Variants in CD40 observed in about 807,000 individuals in gnomAD.
CD40 encodes the protein tumor necrosis factor receptor superfamily member 5.
In CD40, 19 loss-of-function variants were observed where a neutral mutation model predicts 38.5. The observed-to-expected ratio is 0.49, with a 90% CI of 0.34 to 0.72. The LOEUF is 0.72. CD40 is among the 30% of genes least tolerant of loss of function. CD40 has a pLI of 0.01. For missense variants in CD40, 256 were observed against 344.1 expected, an observed-to-expected ratio of 0.74 and a Z score of 2.03; for synonymous variants, 130 against 128.7, an observed-to-expected ratio of 1.01 and a Z score of -0.07.
chr20:46,127,231 A>G (rs2085455423), intron 6 of CD40: 1 of 157,150 alleles, frequency 6.4e-6, no homozygotes, highest in African/African-American at 2.4e-5. Flanking sequence ...TGAGGTGAGC[A>G]AGGCACTTGC....
rs2085474640 is a variant in CD40 at position 46,128,204 on chromosome 20, T to G, written c.626T>G (p.Leu209Arg). ...ATCTTCGGGATCCTGTTTGCCATCC[T>G]CTTGGTGCTGGTCTTTATCAGTGAG... ...PIIFGILFAI[L>R]LVLVFIKKVA... Residue 209 changes from leucine (L) to arginine (R), a missense_variant, in exon 7 of 9, where the codon CTC becomes CGC. Transcript: ENST00000372285. 8.1e-6 allele frequency: 13 copies of G among 1,613,736 alleles called. No homozygotes were observed. The highest frequency in any genetic ancestry group is 1.1e-5 in the Non-Finnish European group (13 of 1,179,920).
intron 1 of CD40, among the ~76,000 whole-genome samples, chr20:46,118,713 G>A (rs967041953): frequency 6.6e-6 from 1 of 152,198 alleles, no homozygotes; most frequent in Non-Finnish European, 1.5e-5. Context: ...TTCAGAGGGC[G>A]GGAAGTGAGG....
intron 5 of CD40, among the ~76,000 whole-genome samples, chr20:46,124,751 G>GTTTTTTGTT (rs2085390479): frequency 1.4e-5 from 1 of 73,938 alleles, no homozygotes; most frequent in Non-Finnish European, 2.4e-5. Context: ...CACTGGTATA[G>GTTTTTTGTT]TTTTTTTTTT....
intron 6 of CD40, 72 bp downstream of exon 6, chr20:46,126,773 G>A: frequency 1.2e-6 from 2 of 1,612,504 alleles, no homozygotes; most frequent in Non-Finnish European, 1.7e-6. Context: ...GAGGCACACA[G>A]GAACACTGGA....
At chr20:46,128,843 C>T in intron 8 of CD40, 39 bp from the exon 9 acceptor site, 1 of 1,609,298 alleles carries the variant, frequency 6.2e-7, no homozygotes, top group Non-Finnish European at 8.5e-7. Flanking sequence ...GCACAGCTGC[C>T]CCTGCTGCTG....
intron 5 of CD40, 61 bp from the exon 6 acceptor site, chr20:46,126,579 G>T (rs1316510346): frequency 9.3e-6 from 15 of 1,607,274 alleles, no homozygotes; most frequent in Non-Finnish European, 1.3e-5. Flanking sequence ...TTATGCTTGG[G>T]GAAACTTAAT....
chr20:46,125,139 C>T (rs2085407604), intron 5 of CD40, among the ~76,000 whole-genome samples: 1 of 151,930 alleles, frequency 6.6e-6, no homozygotes, highest in Non-Finnish European at 1.5e-5. Flanking sequence ...AGTGTGTGAC[C>T]CTCACTGAGC....
intron 6 of CD40, chr20:46,127,078 T>C (rs950389784): frequency 3.2e-6 from 1 of 317,100 alleles, no homozygotes. Context: ...GGTACATGTA[T>C]ACATATGTAA....
Position 46,122,822 on chromosome 20 carries a change from G to C in CD40, c.403+66G>C, listed in dbSNP as rs2085346070. 5.1e-6 allele frequency: 8 copies of C among 1,577,304 alleles called. No homozygotes were observed. The highest frequency in any genetic ancestry group is 1.7e-4 in the Middle Eastern group (1 of 5,960). On this transcript the variant is annotated intron_variant, in intron 4 of 8. Transcript: ENST00000372285. The surrounding 1 kb of genome is among the most constrained non-coding windows in gnomAD (Gnocchi z 5.0). The stretch of plus-strand genomic sequence containing the variant: ...AGGAGCTTAGGGCCCAAGGTGAGGG[G>C]CTGGGCAGTGGGCACTTAGCCCCAG...
intron 7 of CD40, 32 bp from the exon 8 acceptor site, chr20:46,128,298 C>T: frequency 4.4e-6 from 7 of 1,588,892 alleles, no homozygotes; most frequent in Non-Finnish European, 6.0e-6. Flanking sequence ...TCTCCAACTC[C>T]CCATCCTTTT....
Position 46,122,536 on chromosome 20 carries a change from A to G in CD40, c.257-74A>G, listed in dbSNP as rs11569320. On this transcript the variant is annotated intron_variant, in intron 3 of 8. Coordinates refer to ENST00000372285, the MANE Select transcript of CD40 (RefSeq NM_001250.6). The surrounding 1 kb of genome is among the most constrained non-coding windows in gnomAD (Gnocchi z 5.0). ...GAAGAGGGTCTGAGGAAGAAAGAGC[A>G]GGCAATGTGGGGAGTGAGGCTCAGA... 2 of 1,601,150 alleles carry G rather than the reference A, an allele frequency of 1.2e-6. No individual in the cohort carries two copies. The highest frequency in any genetic ancestry group is 1.7e-5 in the Admixed American group (1 of 60,000).
At chr20:46,119,802 A>G (rs978533287) in intron 1 of CD40, among the ~76,000 whole-genome samples, 9 of 152,176 alleles carry the variant, frequency 5.9e-5, no homozygotes, top group Non-Finnish European at 1.0e-4. Flanking sequence ...GTGAATCTAC[A>G]TCTGCATGAT....
chr20:46,121,834 A>G lies in CD40; in HGVS notation c.66A>G (p.Pro22=). The change falls in exon 2 of 9, where the codon CCA becomes CCG. Residue 22 remains proline (P), a synonymous_variant. Transcript: ENST00000372285. Reference sequence around the variant, plus strand: ...TCTGTTTTTAGGTCCATCCAGAACCACCCACTGCATGCAGAGAAAAACAGT... The same window carrying G: ...TCTGTTTTTAGGTCCATCCAGAACCGCCCACTGCATGCAGAGAAAAACAGT... ...GCLLTAVHPE[P]PTACREKQYL... The G allele has an allele frequency of 6.2e-7, 1 of 1,613,860 alleles. No individual in the cohort carries two copies. Among genetic ancestry groups the G allele is most frequent in the Non-Finnish European group, 8.5e-7 (1 of 1,179,706 alleles).
At chr20:46,128,523 A>G (rs1291164963) in intron 8 of CD40, 165 bp downstream of exon 8, 2 of 794,690 alleles carry the variant, frequency 2.5e-6, no homozygotes, top group Non-Finnish European at 4.3e-6. Flanking sequence ...CCTTCCATCC[A>G]GAGCTCAATC....
At position 46,127,892 on chromosome 20, in the gene CD40, T is replaced by A. The variant is rs111671575; in HGVS notation, c.560-246T>A. ...TTCCCAGTTTGTAAGAGAAATCAGA[T>A]GTCTAGGTTTGAATATGTGATCTCC... is the stretch of plus-strand genomic sequence containing the variant. On this transcript the variant is annotated intron_variant, in intron 6 of 8. Transcript: ENST00000372285. 1.4e-4 allele frequency: 90 copies of A among 639,014 alleles called. No homozygotes were observed. The African/African-American group carries it at 1.5e-3, about 11-fold the overall frequency. 39.6% of individuals were successfully genotyped at this position (639,014 alleles called of 1,614,324 possible).
chr20:46,128,224 A>G lies in CD40; in HGVS notation c.646A>G (p.Lys216Glu). 1 of 1,610,088 alleles carries G rather than the reference A, an allele frequency of 6.2e-7. No homozygotes were observed. The highest frequency in any genetic ancestry group is 8.5e-7 in the Non-Finnish European group (1 of 1,178,544). The change falls in exon 7 of 9, where the codon AAA becomes GAA. Residue 216 changes from lysine to glutamate, a missense_variant and splice_region_variant. Lys to Glu is a moderately conservative substitution (Grantham distance 56, BLOSUM62 1). Coordinates refer to ENST00000372285, the MANE Select transcript of CD40 (RefSeq NM_001250.6). ...CATCCTCTTGGTGCTGGTCTTTATC[A>G]GTGAGTCCTCAGGTGGGGAGGTGTT... Reference protein sequence around the residue: ...FAILLVLVFIKKVAKKPTNKA... With the variant: ...FAILLVLVFIEKVAKKPTNKA...
intron 6 of CD40, chr20:46,127,305 T>C (rs2085456821): frequency 6.5e-6 from 1 of 154,750 alleles, no homozygotes; most frequent in South Asian, 2.0e-4. Context: ...TTCATTTTGA[T>C]GCAATATTTT....
intron 6 of CD40, 125 bp downstream of exon 6, chr20:46,126,826 C>T (rs912007372): frequency 2.0e-6 from 3 of 1,501,528 alleles, no homozygotes; most frequent in South Asian, 1.2e-5. Context: ...TGTGGTATCA[C>T]AGCTCTGCCA....
In CD40 at chr20:46,122,861, A is replaced by G. The variant is rs2085347120; in HGVS notation, c.403+105A>G. The G allele has an allele frequency of 7.0e-7, 1 of 1,437,178 alleles. No homozygotes were observed. Among genetic ancestry groups the G allele is most frequent in the South Asian group, 1.2e-5 (1 of 80,510 alleles). 89.0% of individuals were successfully genotyped at this position (1,437,178 alleles called of 1,614,324 possible). On this transcript the variant is annotated intron_variant, in intron 4 of 8. Coordinates refer to ENST00000372285, the MANE Select transcript of CD40 (RefSeq NM_001250.6). This position sits in a 1 kb window ranked among gnomAD's most constrained non-coding sequence, Gnocchi z 5.0. Reference sequence around the variant, plus strand: ...ACTTAGCCCCAGAGGCAGAGGAAGCAGAGGCTCCAACCTATGTCGGTATCC... The same window carrying G: ...ACTTAGCCCCAGAGGCAGAGGAAGCGGAGGCTCCAACCTATGTCGGTATCC...
Sources: gnomAD v4.1 joint callset for allele counts (sites outside exome capture counted in the v4.1 genomes callset) on GRCh38, gnomAD v4.1.1 for gene constraint, Gnocchi (gnomAD v3.1) non-coding constraint, MANE v1.5 for transcripts, NCBI Gene and HGNC (gene_info 2026-07-23, HGNC 2026-07-21) for gene names.